The following SPRY3 variants were observed in gnomAD, a reference collection of about 807,000 sequenced individuals.
The protein encoded by SPRY3 is protein sprouty homolog 3.
In SPRY3, 15 loss-of-function variants were observed where a neutral mutation model predicts 20.2. That is an observed-to-expected ratio of 0.74 (90% confidence interval 0.50 to 1.14). The LOEUF (loss-of-function observed/expected upper bound fraction) is 1.14, where lower values mean the gene tolerates loss of function less well. SPRY3 is among the 50% of genes most tolerant of loss of function. The pLI, the probability that SPRY3 is intolerant of heterozygous loss-of-function variation, is 0.00. For synonymous variants in SPRY3, 143 were observed against 136.5 expected (o/e 1.05, Z -0.33); for missense variants, 364 against 363.9 (o/e 1.00, Z 0.00).
intron 2 of SPRY3, among the ~76,000 whole-genome samples, chrX:155,752,130 C>A (rs1184160110): frequency 6.6e-6 from 1 of 151,418 alleles, no homozygotes; most frequent in Non-Finnish European, 1.5e-5. Flanking sequence ...CATGTCTAGA[C>A]AGATTCTGGT....
At chrX:155,683,643 C>T (rs1300517794) in intron 2 of SPRY3, among the ~76,000 whole-genome samples, 1 of 111,637 alleles carries the variant, frequency 9.0e-6, no homozygotes, top group Non-Finnish European at 1.9e-5. Context: ...CATGAACCCA[C>T]AATATCTCTG....
chrX:155,693,506 G>A, intron 2 of SPRY3, among the ~76,000 whole-genome samples: 1 of 111,954 alleles, frequency 8.9e-6, no homozygotes, highest in Non-Finnish European at 1.9e-5. Context: ...AGTTGCTAAA[G>A]TTGTTCATGT....
chrX:155,699,976 CTTTTTT>C (rs35185538), intron 2 of SPRY3, among the ~76,000 whole-genome samples: 2 of 91,651 alleles, frequency 2.2e-5, no homozygotes, highest in African/African-American at 8.0e-5. Flanking sequence ...CCCTTAATCT[CTTTTTT>C]TTTTTTTTTG....
At chrX:155,630,014 C>T (rs1225638999) in intron 1 of SPRY3, among the ~76,000 whole-genome samples, 1 of 111,539 alleles carries the variant, frequency 9.0e-6, no homozygotes, top group African/African-American at 3.3e-5. Flanking sequence ...TTCTGTTAGG[C>T]TTACAAAAAA....
chrX:155,706,322 T>C (rs2124536941), intron 2 of SPRY3, among the ~76,000 whole-genome samples: 1 of 151,196 alleles, frequency 6.6e-6, no homozygotes, highest in Admixed American at 6.6e-5. Context: ...TGAATGAAGA[T>C]GAAAATGCCA....
At chrX:155,712,844 G>A (rs1009283668) in intron 2 of SPRY3, among the ~76,000 whole-genome samples, 1 of 151,516 alleles carries the variant, frequency 6.6e-6, no homozygotes, top group Non-Finnish European at 1.5e-5. Flanking sequence ...TCTGTTATAT[G>A]TTTTTCAATT....
chrX:155,720,248 T>C (rs2091048190), intron 2 of SPRY3, among the ~76,000 whole-genome samples: 1 of 152,128 alleles, frequency 6.6e-6, no homozygotes, highest in South Asian at 2.1e-4. Flanking sequence ...AAGGACCGTG[T>C]CTAGTTGACT....
intron 2 of SPRY3, among the ~76,000 whole-genome samples, chrX:155,675,450 T>G (rs1166627654): frequency 9.0e-6 from 1 of 110,995 alleles, no homozygotes; most frequent in Non-Finnish European, 1.9e-5. Context: ...AGCACATAGC[T>G]TAAAGGCATG....
intron 2 of SPRY3, among the ~76,000 whole-genome samples, chrX:155,675,738 G>T (rs782149265): frequency 1.8e-5 from 2 of 111,736 alleles, no homozygotes; most frequent in Non-Finnish European, 3.8e-5. Context: ...ATTGTGCCAA[G>T]AGTGCATAAA....
chrX:155,650,095 C>T (rs1303385546), intron 1 of SPRY3, among the ~76,000 whole-genome samples: 31 of 111,013 alleles, frequency 2.8e-4, no homozygotes, highest in Admixed American at 9.6e-5. Context: ...AATCACTGCT[C>T]GAGGAAATAA....
intron 1 of SPRY3, among the ~76,000 whole-genome samples, chrX:155,643,372 C>T (rs953857938): frequency 9.0e-6 from 1 of 111,269 alleles, no homozygotes; most frequent in African/African-American, 3.3e-5. Context: ...AAGCGTGTTT[C>T]TTGTAGGCAG....
chrX:155,650,233 T>C (rs1458275246), intron 1 of SPRY3, among the ~76,000 whole-genome samples: 1 of 111,627 alleles, frequency 9.0e-6, no homozygotes, highest in Non-Finnish European at 1.9e-5. Context: ...TACCATTGAC[T>C]TTCCTCACAG....
At chrX:155,684,184 G>C (rs2068081440) in intron 2 of SPRY3, among the ~76,000 whole-genome samples, 1 of 110,987 alleles carries the variant, frequency 9.0e-6, no homozygotes, top group Non-Finnish European at 1.9e-5. Flanking sequence ...TTAAGGGAGA[G>C]AGGAGGGGAT....
chrX:155,725,499 CTGT>C (rs1263128694), intron 2 of SPRY3, among the ~76,000 whole-genome samples: 2 of 151,968 alleles, frequency 1.3e-5, no homozygotes, highest in Admixed American at 1.3e-4. Context: ...ATTTCAGAGC[CTGT>C]TATTGGCCTA....
chrX:155,643,795 GTTTCTA>G, intron 1 of SPRY3, among the ~76,000 whole-genome samples: 1 of 111,843 alleles, frequency 8.9e-6, no homozygotes, highest in South Asian at 3.7e-4. Flanking sequence ...ATTTTTTGTT[GTTTCTA>G]TTTCTATCTT....
intron 2 of SPRY3, among the ~76,000 whole-genome samples, chrX:155,718,893 G>A (rs1011446988): frequency 6.6e-6 from 1 of 151,954 alleles, no homozygotes; most frequent in African/African-American, 2.4e-5. Context: ...TAAGCAATGA[G>A]GATTTCTAGG....
Position 155,677,800 on chromosome X carries a change from C to G in SPRY3, c.-282+20775C>G, listed in dbSNP as rs2068062359. On this transcript the variant is annotated intron_variant, in intron 2 of 3. Coordinates refer to ENST00000675360, the Ensembl canonical transcript of SPRY3. Reference sequence around the variant, plus strand: ...ACATGCAATGTCTGTGGACTTCAGTCATGCTCCATTGTGTATCTGGGGAGT... The same window carrying G: ...ACATGCAATGTCTGTGGACTTCAGTGATGCTCCATTGTGTATCTGGGGAGT... 2.7e-5 allele frequency among the ~76,000 whole-genome samples: 3 copies of G among 111,763 alleles called. No individual in the cohort carries two copies. The Admixed American group carries it at 2.9e-4, about 11-fold the overall frequency.
At chrX:155,748,422 C>G (rs1447615801) in intron 2 of SPRY3, among the ~76,000 whole-genome samples, 5 of 151,696 alleles carry the variant, frequency 3.3e-5, no homozygotes, top group African/African-American at 1.2e-4. Flanking sequence ...GGGAGTGACT[C>G]TACCAAGCAG....
exon 4 of SPRY3, chrX:155,773,963 C>T: frequency 6.2e-7 from 1 of 1,613,970 alleles, no homozygotes; most frequent in Non-Finnish European, 8.5e-7. Context: ...GTGGAACGGC[C>T]TCCAGCCCCC....
Sources: allele counts gnomAD v4.1 joint callset (sites outside exome capture counted in the v4.1 genomes callset), GRCh38; gene constraint gnomAD v4.1.1; transcripts MANE v1.5; gene names NCBI Gene and HGNC (gene_info 2026-07-23, HGNC 2026-07-21).